Variants in PRKN observed in about 807,000 individuals in gnomAD.
PRKN encodes E3 ubiquitin-protein ligase parkin.
PRKN carries 56 observed loss-of-function variants against 59.5 expected under a neutral mutation model. That is an observed-to-expected ratio of 0.94 (90% CI 0.76 to 1.18). The LOEUF is 1.18. PRKN is among the 50% of genes most tolerant of loss of function. The pLI, the probability that PRKN is intolerant of heterozygous loss-of-function variation, is 0.00. For synonymous variants in PRKN, 250 were observed against 222.1 expected (o/e 1.13, Z -1.12); for missense variants, 657 against 596.4 (o/e 1.10, Z -1.06).
chr6:162,191,228 AT>A (rs1272678904), intron 4 of PRKN, among the ~76,000 whole-genome samples: 1 of 152,072 alleles, frequency 6.6e-6, no homozygotes, highest in East Asian at 1.9e-4. Context: ...TAGGAATCCG[AT>A]TTTTTTTGGA....
At chr6:161,619,029 G>T (rs1183760240) in intron 7 of PRKN, among the ~76,000 whole-genome samples, 2 of 152,102 alleles carry the variant, frequency 1.3e-5, no homozygotes, top group African/African-American at 4.8e-5. Context: ...GGCAGCAGAT[G>T]CTCTTCACTT....
chr6:162,612,425 T>G (rs939204218), intron 1 of PRKN, among the ~76,000 whole-genome samples: 2 of 151,260 alleles, frequency 1.3e-5, no homozygotes, highest in Non-Finnish European at 2.9e-5. Context: ...GAAAATAGCT[T>G]TCTAGCGCAG....
intron 4 of PRKN, among the ~76,000 whole-genome samples, chr6:162,135,999 A>G (rs555681074): frequency 6.6e-6 from 1 of 152,082 alleles, no homozygotes; most frequent in Admixed American, 6.6e-5. Context: ...CCTCAACTGG[A>G]GTTCACCCTC....
intron 7 of PRKN, among the ~76,000 whole-genome samples, chr6:161,777,837 CGT>C (rs539997019): frequency 0.037 from 5,013 of 134,722 alleles, 369 homozygotes; most frequent in African/African-American, 0.13. Flanking sequence ...TATATGTATA[CGT>C]ATATATGTAT....
chr6:162,571,574 A>G (rs1332652008), intron 1 of PRKN, among the ~76,000 whole-genome samples: 1 of 152,130 alleles, frequency 6.6e-6, no homozygotes, highest in Non-Finnish European at 1.5e-5. Flanking sequence ...AAACTCTAGT[A>G]TGGAGGACTG....
At chr6:161,941,278 G>A (rs182863698) in intron 6 of PRKN, among the ~76,000 whole-genome samples, 2 of 152,170 alleles carry the variant, frequency 1.3e-5, no homozygotes, top group Non-Finnish European at 2.9e-5. Context: ...ACGTTGAGAG[G>A]AGCACATCAG....
At chr6:162,678,566 G>C (rs764674208) in intron 1 of PRKN, among the ~76,000 whole-genome samples, 2 of 152,108 alleles carry the variant, frequency 1.3e-5, no homozygotes, top group Non-Finnish European at 2.9e-5. Context: ...GGGTATCTTT[G>C]CATGTGTTTA....
Position 161,363,355 on chromosome 6 carries a change from GAAAC to G in PRKN, c.1168-3154_1168-3151del, listed in dbSNP as rs947614211. Among the ~76,000 whole-genome samples the G allele has an allele frequency of 6.6e-6, 1 of 152,094 alleles. No individual in the cohort carries two copies. Among genetic ancestry groups the G allele is most frequent in the Non-Finnish European group, 1.5e-5 (1 of 68,002 alleles). ...CAATTAACCAGGGAGATGTAAAAAA[GAAAC>G]AAATTTCTTTGTTTTGTCCATTTTT... is the stretch of plus-strand genomic sequence containing the variant. On this transcript the variant is annotated intron_variant, in intron 10 of 11. Transcript: ENST00000366898. This position sits in a 1 kb window ranked among gnomAD's most constrained non-coding sequence, Gnocchi z 4.1.
chr6:162,479,114 A>G (rs921685198), intron 1 of PRKN, among the ~76,000 whole-genome samples: 1 of 152,130 alleles, frequency 6.6e-6, no homozygotes, highest in Non-Finnish European at 1.5e-5. Context: ...GACTCTTTTA[A>G]TAATACCGGT....
chr6:161,626,901 G>A (rs530942536), intron 7 of PRKN, among the ~76,000 whole-genome samples: 38 of 151,328 alleles, frequency 2.5e-4, no homozygotes, highest in Non-Finnish European at 4.6e-4. Context: ...AGTCCTGCTC[G>A]CAGACGATTA....
chr6:162,556,362 T>TGTGCGTGTGTGTGC (rs1779582956), intron 1 of PRKN, among the ~76,000 whole-genome samples: 4 of 86,266 alleles, frequency 4.6e-5, no homozygotes, highest in African/African-American at 1.5e-4. Flanking sequence ...TGTGTGTGTG[T>TGTGCGTGTGTGTGC]GTGTGTGTGT....
At chr6:162,299,585 T>C (rs886863676) in intron 2 of PRKN, among the ~76,000 whole-genome samples, 1 of 152,026 alleles carries the variant, frequency 6.6e-6, no homozygotes, top group African/African-American at 2.4e-5. Context: ...CTTTAAATTA[T>C]GCAAATATAT....
At chr6:162,039,193 A>G (rs1320419032) in intron 5 of PRKN, among the ~76,000 whole-genome samples, 1 of 151,948 alleles carries the variant, frequency 6.6e-6, no homozygotes, top group Non-Finnish European at 1.5e-5. Flanking sequence ...TGTTTGTCTG[A>G]CACCATTCAA....
At chr6:161,531,069 C>T (rs1290964498) in intron 9 of PRKN, among the ~76,000 whole-genome samples, 1 of 152,116 alleles carries the variant, frequency 6.6e-6, no homozygotes, top group East Asian at 1.9e-4. Context: ...TAAGTTCCAT[C>T]ATTTGCCCAG....
intron 2 of PRKN, among the ~76,000 whole-genome samples, chr6:162,442,121 T>C (rs1790085552): frequency 6.6e-6 from 1 of 152,140 alleles, no homozygotes. Context: ...CTCAACACCA[T>C]CAGCAGGAGA....
intron 1 of PRKN, among the ~76,000 whole-genome samples, chr6:162,574,291 G>C (rs1328707161): frequency 6.6e-6 from 1 of 152,106 alleles, no homozygotes; most frequent in Non-Finnish European, 1.5e-5. Flanking sequence ...ACGGAGGGAC[G>C]TGGAGTCTAT....
intron 2 of PRKN, among the ~76,000 whole-genome samples, chr6:162,283,505 A>G (rs1269871503): frequency 1.3e-5 from 2 of 152,216 alleles, no homozygotes; most frequent in Admixed American, 6.5e-5. Context: ...AACTATCTCA[A>G]TGAAAAAGTA....
rs1784688774 is a variant in PRKN at position 161,354,806 on chromosome 6, T to G, written c.1286-4595A>C. Among the ~76,000 whole-genome samples, 1 of 152,192 alleles carries G rather than the reference T, an allele frequency of 6.6e-6. No homozygotes were observed. The stretch of plus-strand genomic sequence containing the variant: ...CGCTAATAAGCTTCAAGTCTCAGCT[T>G]TTCTGTTTGTAAGTTAAAAATTTGG... On this transcript the variant is annotated intron_variant, in intron 11 of 11. Transcript: ENST00000366898. The surrounding 1 kb of genome is among the most constrained non-coding windows in gnomAD (Gnocchi z 6.7).
rs1254733862 is a variant in PRKN at position 161,401,506 on chromosome 6, A to C, written c.1084-14629T>G. 1.3e-5 allele frequency among the ~76,000 whole-genome samples: 2 copies of C among 152,006 alleles called. No homozygotes were observed. The highest frequency in any genetic ancestry group is 1.3e-4 in the Admixed American group (2 of 15,262). ...TGGACGCCTGTAATCCCAGCTACTC[A>C]GGAGGCTGAGGCAGGAGAATTGCTT... On this transcript the variant is annotated intron_variant, in intron 9 of 11. Transcript: ENST00000366898. This position sits in a 1 kb window ranked among gnomAD's most constrained non-coding sequence, Gnocchi z 4.4.
Sources: gnomAD v4.1 joint callset for allele counts (sites outside exome capture counted in the v4.1 genomes callset) on GRCh38, gnomAD v4.1.1 for gene constraint, Gnocchi (gnomAD v3.1) non-coding constraint, MANE v1.5 for transcripts, NCBI Gene and HGNC (gene_info 2026-07-23, HGNC 2026-07-21) for gene names.